Variants in CLYBL observed in about 807,000 individuals in gnomAD.
CLYBL encodes citramalyl-CoA lyase, also known as citramalyl-CoA lyase, mitochondrial.
A neutral mutation model predicts 38.9 loss-of-function variants in CLYBL; 31 were observed. That is an observed-to-expected ratio of 0.80 (90% confidence interval 0.60 to 1.08). CLYBL has a LOEUF of 1.08. CLYBL is among the 50% of genes least tolerant of loss of function. The probability of loss-of-function intolerance (pLI) is 0.00; values close to 1 mark genes in which losing one functional copy is unlikely to be tolerated. For synonymous variants in CLYBL, 171 were observed against 158.6 expected (o/e 1.08, Z -0.59); for missense variants, 434 against 411.6 (o/e 1.05, Z -0.47).
intron 2 of CLYBL, chr13:99,783,877 C>T (rs2049719220): frequency 1.3e-5 from 2 of 151,872 alleles, no homozygotes; most frequent in South Asian, 4.1e-4. Context: ...CTCAAGAAAA[C>T]ATAACATTAT....
chr13:99,685,339 A>C (rs941635897), intron 1 of CLYBL, among the ~76,000 whole-genome samples: 4 of 152,232 alleles, frequency 2.6e-5, no homozygotes, highest in Non-Finnish European at 5.9e-5. Flanking sequence ...GAAAAAATAC[A>C]GTAGAACTAA....
intron 1 of CLYBL, among the ~76,000 whole-genome samples, chr13:99,728,184 G>A (rs1034663114): frequency 6.6e-6 from 1 of 151,948 alleles, no homozygotes; most frequent in Non-Finnish European, 1.5e-5. Context: ...TTGGTGGGGG[G>A]GATTACAGGT....
intron 1 of CLYBL, among the ~76,000 whole-genome samples, chr13:99,697,567 AC>A (rs2047998690): frequency 6.7e-6 from 1 of 149,596 alleles, no homozygotes; most frequent in Non-Finnish European, 1.5e-5. Context: ...ATGGGGTTTC[AC>A]CATGTTGGCC....
At chr13:99,810,031 A>AT (rs2050310212) in intron 2 of CLYBL, among the ~76,000 whole-genome samples, 1 of 152,196 alleles carries the variant, frequency 6.6e-6, no homozygotes, top group African/African-American at 2.4e-5. Context: ...GCATAGGAGG[A>AT]TTTTTTTATT....
At chr13:99,848,660 C>T (rs1189953902) in intron 2 of CLYBL, among the ~76,000 whole-genome samples, 1 of 152,200 alleles carries the variant, frequency 6.6e-6, no homozygotes, top group Non-Finnish European at 1.5e-5. Flanking sequence ...ACAGTGGGCA[C>T]CACTCCCCAT....
chr13:99,729,503 T>C (rs7337354), intron 1 of CLYBL, among the ~76,000 whole-genome samples: 10,973 of 152,140 alleles, frequency 0.072, 1,314 homozygotes, highest in African/African-American at 0.25. Flanking sequence ...TGCTTCGGGC[T>C]AAATATCTTA....
chr13:99,651,020 C>A lies in CLYBL; in HGVS notation c.62+44263C>A, dbSNP rs141304870. Among the ~76,000 whole-genome samples, 37 of 152,336 alleles carry A rather than the reference C, an allele frequency of 2.4e-4. 1 individual carries two copies. Among genetic ancestry groups the A allele is most frequent in the Admixed American group, 1.5e-3 (23 of 15,302 alleles). On this transcript the variant is annotated intron_variant, in intron 1 of 8. Coordinates refer to ENST00000339105, the MANE Select transcript of CLYBL (RefSeq NM_206808.5). The stretch of plus-strand genomic sequence containing the variant: ...TGCCATGGCTCATGCTGCTGCTTCT[C>A]CCTACAGAGCCCTCCTCTCATCTTC...
chr13:99,674,816 G>T (rs1299336711), intron 1 of CLYBL, among the ~76,000 whole-genome samples: 1 of 152,190 alleles, frequency 6.6e-6, no homozygotes, highest in Non-Finnish European at 1.5e-5. Context: ...AGCAAGTTGG[G>T]AGGGGGTGAT....
intron 1 of CLYBL, among the ~76,000 whole-genome samples, chr13:99,640,946 G>A (rs2047083699): frequency 6.6e-6 from 1 of 152,192 alleles, no homozygotes; most frequent in South Asian, 2.1e-4. Context: ...TTCCCTTTAT[G>A]GGAGGACTTA....
At chr13:99,736,047 T>TTC in intron 1 of CLYBL, among the ~76,000 whole-genome samples, 1 of 138,628 alleles carries the variant, frequency 7.2e-6, no homozygotes, top group African/African-American at 2.7e-5. Context: ...TCTTTTTTTT[T>TTC]TTTTTTTTTT....
intron 1 of CLYBL, among the ~76,000 whole-genome samples, chr13:99,620,045 C>T (rs968060895): frequency 2.6e-5 from 4 of 152,094 alleles, no homozygotes; most frequent in South Asian, 2.1e-4. Flanking sequence ...TCAGAAGGGG[C>T]GGCACCCTCA....
At chr13:99,661,034 T>C (rs1463156015) in intron 1 of CLYBL, among the ~76,000 whole-genome samples, 1 of 152,216 alleles carries the variant, frequency 6.6e-6, no homozygotes, top group Non-Finnish European at 1.5e-5. Context: ...TTAGTGATTT[T>C]AGTAGACCAT....
downstream of CLYBL, chr13:99,892,597 T>C (rs185084989): frequency 4.6e-5 from 7 of 152,696 alleles, no homozygotes; most frequent in East Asian, 1.4e-3. Context: ...CTTAAGAAAT[T>C]AACAGAATGG....
downstream of CLYBL, chr13:99,892,833 C>T (rs1396999651): frequency 1.3e-5 from 2 of 152,246 alleles, no homozygotes; most frequent in African/African-American, 4.8e-5. Context: ...CCACTTCTCT[C>T]AATTCCCACA....
At chr13:99,624,649 A>G (rs141621464) in intron 1 of CLYBL, among the ~76,000 whole-genome samples, 2 of 152,194 alleles carry the variant, frequency 1.3e-5, no homozygotes, top group East Asian at 1.9e-4. Context: ...GGAAACCTCA[A>G]TGTCTGAATG....
chr13:99,623,059 G>A (rs768112081), intron 1 of CLYBL, among the ~76,000 whole-genome samples: 2 of 152,174 alleles, frequency 1.3e-5, no homozygotes, highest in Non-Finnish European at 2.9e-5. Flanking sequence ...TTTGGTGATT[G>A]TGACTAGTGC....
intron 1 of CLYBL, among the ~76,000 whole-genome samples, chr13:99,731,867 G>A (rs569836607): frequency 6.2e-4 from 95 of 152,178 alleles, no homozygotes; most frequent in African/African-American, 2.2e-3. Flanking sequence ...CTTAGCTTTC[G>A]TATCTCAGGA....
chr13:99,900,995 C>A (rs528833651), downstream of CLYBL, among the ~76,000 whole-genome samples: 105 of 152,336 alleles, frequency 6.9e-4, no homozygotes, highest in African/African-American at 2.4e-3. Context: ...GCCTCCCAGA[C>A]TCAACATGCC....
At chr13:99,841,472 T>C (rs1184218101) in intron 2 of CLYBL, among the ~76,000 whole-genome samples, 1 of 152,168 alleles carries the variant, frequency 6.6e-6, no homozygotes, top group Non-Finnish European at 1.5e-5. Context: ...TAGTCTCAGC[T>C]CACTGCAACC....
Sources: allele counts gnomAD v4.1 joint callset (sites outside exome capture counted in the v4.1 genomes callset), GRCh38; gene constraint gnomAD v4.1.1; transcripts MANE v1.5; gene names NCBI Gene and HGNC (gene_info 2026-07-23, HGNC 2026-07-21).